Variants in ADGRL3 observed in about 807,000 individuals in gnomAD.
The protein encoded by ADGRL3 is adhesion G protein-coupled receptor L3, also known as calcium-independent alpha-latrotoxin receptor 3.
Under a neutral mutation model 153.5 loss-of-function variants are expected in ADGRL3, and 62 were observed. The observed-to-expected ratio is 0.40, with a 90% CI of 0.33 to 0.50. The LOEUF (loss-of-function observed/expected upper bound fraction) is 0.50, where lower values mean the gene tolerates loss of function less well. ADGRL3 is among the 20% of genes least tolerant of loss of function. The pLI, the probability that ADGRL3 is intolerant of heterozygous loss-of-function variation, is 0.47. For missense variants in ADGRL3, 1,641 were observed against 1,859.4 expected (o/e 0.88, Z 2.16); for synonymous variants, 710 against 672.5 (o/e 1.06, Z -0.86).
chr4:61,911,712 A>C (rs896284242), intron 12 of ADGRL3, among the ~76,000 whole-genome samples: 2 of 152,084 alleles, frequency 1.3e-5, no homozygotes, highest in African/African-American at 4.8e-5. Flanking sequence ...TAGAGGAGTA[A>C]CTGCTCTATG....
rs536712119 is a variant in ADGRL3 at position 61,273,863 on chromosome 4, C to T, written c.-240+72098C>T. Among the ~76,000 whole-genome samples, 6 of 152,144 alleles carry T rather than the reference C, an allele frequency of 3.9e-5. 1 individual carries two copies. Among genetic ancestry groups the T allele is most frequent in the South Asian group, 2.1e-4 (1 of 4,826 alleles). ...AATATTTATTTTAAAGATATTTCTT[C>T]CCACAACGATATCTGTTCCTAGGCA... is the stretch of plus-strand genomic sequence containing the variant. On this transcript the variant is annotated intron_variant, in intron 1 of 26. Coordinates refer to ENST00000683033, the MANE Select transcript of ADGRL3 (RefSeq NM_001387552.1).
chr4:61,830,208 A>G (rs1052413590), intron 9 of ADGRL3, among the ~76,000 whole-genome samples: 3 of 151,784 alleles, frequency 2.0e-5, no homozygotes, highest in Admixed American at 6.6e-5. Context: ...GGGTTTTGCC[A>G]TGTTGCCCAG....
At chr4:61,788,220 C>T (rs1038181668) in intron 8 of ADGRL3, among the ~76,000 whole-genome samples, 1 of 152,172 alleles carries the variant, frequency 6.6e-6, no homozygotes, top group African/African-American at 2.4e-5. Context: ...AACTTTACTG[C>T]AAGCACAACC....
At chr4:61,223,949 G>A (rs915307890) in intron 1 of ADGRL3, among the ~76,000 whole-genome samples, 13 of 152,156 alleles carry the variant, frequency 8.5e-5, no homozygotes, top group Non-Finnish European at 1.6e-4. Flanking sequence ...AATTTTTCAT[G>A]CATTGCTTAA....
At chr4:61,586,353 G>A (rs952523355) in intron 4 of ADGRL3, among the ~76,000 whole-genome samples, 3 of 151,984 alleles carry the variant, frequency 2.0e-5, no homozygotes, top group Admixed American at 2.0e-4. Flanking sequence ...CTTTCAGGAT[G>A]TCCATGAGCA....
At chr4:61,337,326 A>C (rs1296036705) in intron 1 of ADGRL3, among the ~76,000 whole-genome samples, 4 of 152,294 alleles carry the variant, frequency 2.6e-5, no homozygotes, top group Admixed American at 6.5e-5. Context: ...AAGTGTCAGC[A>C]GACAAGTGAC....
At chr4:61,824,048 C>T (rs906929659) in intron 9 of ADGRL3, among the ~76,000 whole-genome samples, 3 of 137,044 alleles carry the variant, frequency 2.2e-5, no homozygotes, top group African/African-American at 6.0e-5. Flanking sequence ...GGCGACAGAG[C>T]GAGAATCCGT....
At chr4:61,570,098 T>C (rs10517541) in intron 4 of ADGRL3, among the ~76,000 whole-genome samples, 7,380 of 152,262 alleles carry the variant, frequency 0.048, 548 homozygotes, top group African/African-American at 0.16. Flanking sequence ...TCATATATCA[T>C]TTTTAATTCA....
chr4:61,504,210 G>T (rs959700462), intron 3 of ADGRL3, among the ~76,000 whole-genome samples: 12 of 152,070 alleles, frequency 7.9e-5, no homozygotes, highest in Non-Finnish European at 1.5e-4. Context: ...GCCCAGGCTG[G>T]TCTCAAACTC....
intron 1 of ADGRL3, among the ~76,000 whole-genome samples, chr4:61,268,329 T>C (rs2092970956): frequency 6.6e-6 from 1 of 151,688 alleles, no homozygotes; most frequent in Non-Finnish European, 1.5e-5. Context: ...GCAGCAGCTT[T>C]TTTCCTCTGA....
intron 9 of ADGRL3, among the ~76,000 whole-genome samples, chr4:61,853,625 AAGCCTGCTTGTGTTTGTGTCCTC>A (rs1489160804): frequency 6.6e-6 from 1 of 152,214 alleles, no homozygotes; most frequent in Non-Finnish European, 1.5e-5. Context: ...GACACTAAAG[AAGCCTGCTTGTGTTTGTGTCCTC>A]AGTCTCTTAC....
chr4:61,465,758 A>ATATAT lies in ADGRL3; in HGVS notation c.-173-31363_-173-31362insTATAT, dbSNP rs2097871895. 1.3e-3 allele frequency among the ~76,000 whole-genome samples: 169 copies of ATATAT among 130,154 alleles called. 3 individuals are homozygous for ATATAT. The highest frequency in any genetic ancestry group is 1.8e-3 in the South Asian group (7 of 3,942). 85.4% of individuals were successfully genotyped at this position (130,154 alleles called of 152,430 possible). A position where few individuals can be genotyped will look rare whatever the true frequency, so the allele number is the denominator to read the frequency against. On this transcript the variant is annotated intron_variant, in intron 2 of 26. Transcript: ENST00000683033. ...ACTCTGGATTTTAAAATTATATATA[A>ATATAT]ATATATATATATATATATATCTTAT...
At chr4:61,804,786 A>G (rs1037150955) in intron 8 of ADGRL3, among the ~76,000 whole-genome samples, 3 of 152,142 alleles carry the variant, frequency 2.0e-5, no homozygotes, top group African/African-American at 4.8e-5. Flanking sequence ...TTGTCACACT[A>G]CATCATTGAT....
intron 1 of ADGRL3, among the ~76,000 whole-genome samples, chr4:61,275,111 G>C (rs2093398046): frequency 6.6e-6 from 1 of 152,140 alleles, no homozygotes; most frequent in South Asian, 2.1e-4. Flanking sequence ...ATTTATAGAT[G>C]ATGGAGTCAA....
At chr4:61,444,676 CTTATTG>C (rs1368585742) in intron 2 of ADGRL3, among the ~76,000 whole-genome samples, 1 of 152,066 alleles carries the variant, frequency 6.6e-6, no homozygotes, top group Non-Finnish European at 1.5e-5. Context: ...GGTGGAATTA[CTTATTG>C]TTATGAGGTA....
intron 4 of ADGRL3, 112 bp downstream of exon 4, chr4:61,517,630 T>G: frequency 1.6e-6 from 1 of 643,228 alleles, no homozygotes. Context: ...ACTGTCTGCA[T>G]TCACTTTTGT....
intron 4 of ADGRL3, among the ~76,000 whole-genome samples, chr4:61,549,340 G>A (rs6812571): frequency 0.38 from 56,956 of 151,694 alleles, 11,259 homozygotes; most frequent in East Asian, 0.76. Context: ...TGTGACCAAG[G>A]CTTCCAGTAC....
rs374061999 is a variant in ADGRL3 at position 61,666,466 on chromosome 4, C to T, written c.474-10360C>T. On this transcript the variant is annotated intron_variant, in intron 5 of 26. Transcript: ENST00000683033. ...TCTCAGCCCAGTCATGCGGAGAGGA[C>T]ATTTTTGTTGCTCAGAAAAGAAAAG... is the stretch of plus-strand genomic sequence containing the variant. 1.7e-4 allele frequency among the ~76,000 whole-genome samples: 25 copies of T among 147,932 alleles called. 1 individual carries two copies. The highest frequency in any genetic ancestry group is 5.7e-4 in the African/African-American group (23 of 40,124).
At chr4:61,343,643 A>G (rs944197875) in intron 1 of ADGRL3, among the ~76,000 whole-genome samples, 10 of 152,216 alleles carry the variant, frequency 6.6e-5, no homozygotes, top group Non-Finnish European at 1.5e-4. Context: ...CCTGGATGTT[A>G]ACATGAAAAA....
Sources: gnomAD v4.1 joint callset for allele counts (sites outside exome capture counted in the v4.1 genomes callset) on GRCh38, gnomAD v4.1.1 for gene constraint, MANE v1.5 for transcripts, NCBI Gene and HGNC (gene_info 2026-07-23, HGNC 2026-07-21) for gene names.